The following AMZ1 variants were observed in gnomAD, a reference collection of about 807,000 sequenced individuals.
AMZ1 encodes archaemetzincin-1.
In AMZ1, 39 loss-of-function variants were observed where a neutral mutation model predicts 29.9. That is an observed-to-expected ratio of 1.30 (90% CI 1.01 to 1.70). The LOEUF (loss-of-function observed/expected upper bound fraction) is 1.70, where lower values mean the gene tolerates loss of function less well. Among genes scored for constraint, AMZ1 ranks in the 40% most tolerant of loss-of-function variants. AMZ1 has a pLI of 0.00. For synonymous variants in AMZ1, 458 were observed against 304.0 expected (o/e 1.51, Z -5.27); for missense variants, 1,041 against 680.6 (o/e 1.53, Z -5.89).
At chr7:2,732,154 A>C (rs1283990203) in intron 4 of AMZ1, among the ~76,000 whole-genome samples, 1 of 152,260 alleles carries the variant, frequency 6.6e-6, no homozygotes, top group Non-Finnish European at 1.5e-5. Flanking sequence ...AATGTGATGT[A>C]AATTCAATCT....
rs909534860 is a variant in AMZ1 at position 2,717,680 on chromosome 7, G to T, written c.*4802G>T. On this transcript the variant is annotated 3_prime_UTR_variant, in exon 7 of 7. Coordinates refer to ENST00000683327, the MANE Select transcript of AMZ1 (RefSeq NM_001384743.1). ...TTGACTGTAAAGAGCCCTGGCCTGC[G>T]AACGCTGTTAAAAACAGATGCAGAT... 6.6e-6 allele frequency among the ~76,000 whole-genome samples: 1 copy of T among 152,150 alleles called. No individual in the cohort carries two copies. The highest frequency in any genetic ancestry group is 2.4e-5 in the African/African-American group (1 of 41,420).
downstream of AMZ1, among the ~76,000 whole-genome samples, chr7:2,720,016 G>T (rs978777427): frequency 6.6e-6 from 1 of 152,224 alleles, no homozygotes; most frequent in South Asian, 2.1e-4. Context: ...TAAACGAAGA[G>T]GATGAAATTC....
At chr7:2,760,763 G>A (rs924761911), upstream of AMZ1, among the ~76,000 whole-genome samples, 5 of 152,322 alleles carry the variant, frequency 3.3e-5, no homozygotes, top group South Asian at 6.2e-4. Flanking sequence ...TTCCTCTAGG[G>A]ACAGCGTCGA....
chr7:2,684,530 C>T (rs907177081), upstream of AMZ1, among the ~76,000 whole-genome samples: 64 of 152,200 alleles, frequency 4.2e-4, no homozygotes, highest in South Asian at 2.1e-4. Context: ...GGGGCGGCCC[C>T]CTTTGTTCAT....
At chr7:2,692,666 G>A (rs1787471264) in intron 1 of AMZ1, among the ~76,000 whole-genome samples, 1 of 152,152 alleles carries the variant, frequency 6.6e-6, no homozygotes, top group South Asian at 2.1e-4. Context: ...GAGTCCCCGA[G>A]GGGACTCTGA....
downstream of AMZ1, among the ~76,000 whole-genome samples, chr7:2,723,917 A>AT (rs746517805): frequency 2.8e-4 from 42 of 151,586 alleles, no homozygotes; most frequent in African/African-American, 8.5e-4. Flanking sequence ...TTCTGGCCAG[A>AT]TTTTTTTTTG....
chr7:2,762,663 G>C, upstream of AMZ1: 1 of 1,599,526 alleles, frequency 6.3e-7, no homozygotes, highest in South Asian at 1.1e-5. Flanking sequence ...ACGATGAGAG[G>C]ATAAATCATT....
intron 1 of AMZ1, among the ~76,000 whole-genome samples, chr7:2,682,592 G>T (rs966575317): frequency 6.6e-6 from 1 of 152,152 alleles, no homozygotes; most frequent in Non-Finnish European, 1.5e-5. Context: ...CATCCTGCCT[G>T]GACCAGGATT....
At chr7:2,747,342 C>T (rs544634633) in intron 4 of AMZ1, among the ~76,000 whole-genome samples, 83 of 152,330 alleles carry the variant, frequency 5.4e-4, no homozygotes, top group African/African-American at 1.9e-3. Context: ...TGGGCTTCAT[C>T]CCTGGGATGC....
chr7:2,751,483 G>C (rs890985197), intron 4 of AMZ1, among the ~76,000 whole-genome samples: 17 of 149,808 alleles, frequency 1.1e-4, no homozygotes, highest in Admixed American at 2.0e-4. Context: ...GCTTAATGAA[G>C]AGCTCTTTAA....
chr7:2,703,957 C>T (rs538813674), intron 3 of AMZ1, among the ~76,000 whole-genome samples: 2 of 152,202 alleles, frequency 1.3e-5, no homozygotes, highest in East Asian at 3.9e-4. Context: ...GGTGCAATCT[C>T]GGCTCATGGC....
At chr7:2,757,181 G>A (rs2115383566) in intron 4 of AMZ1, among the ~76,000 whole-genome samples, 1 of 141,786 alleles carries the variant, frequency 7.1e-6, no homozygotes, top group South Asian at 2.2e-4. Context: ...TGTCACCCAG[G>A]CTGGAGTGTA....
rs190870884 is a variant in AMZ1, at chr7:2,747,673, C to A, written n.551-17039C>A. On this transcript the variant is annotated intron_variant and non_coding_transcript_variant, in intron 4 of 4. Coordinates refer to the AMZ1 transcript ENST00000489665. ...ATAGTGTTGGAAGTCCTAGGCAGGG[C>A]AATCAGGCAGGAGAAGGAAATAAAG... Among the ~76,000 whole-genome samples the A allele has an allele frequency of 6.2e-3, 944 of 152,232 alleles. 32 individuals carry two copies. Among genetic ancestry groups the A allele is most frequent in the Admixed American group, 0.058 (887 of 15,284 alleles).
chr7:2,692,221 C>G (rs1787435630), intron 1 of AMZ1, among the ~76,000 whole-genome samples: 1 of 152,150 alleles, frequency 6.6e-6, no homozygotes, highest in African/African-American at 2.4e-5. Flanking sequence ...ACCCATCTCA[C>G]AGGGAGGACA....
chr7:2,700,577 C>A lies in AMZ1; in HGVS notation c.126C>A (p.Leu42=), dbSNP rs1787993227. 3.1e-6 allele frequency: 5 copies of A among 1,610,372 alleles called. No homozygotes were observed. Among genetic ancestry groups the A allele is most frequent in the Non-Finnish European group, 4.2e-6 (5 of 1,179,956 alleles). The part of the protein sequence containing the change: ...YVSAFSPAER[L]FLAEAYNPQR... The stretch of plus-strand genomic sequence containing the variant: ...CCGCCTTCTCCCCTGCCGAGCGGCT[C>A]TTCCTGGCCGAGGCCTACAACCCGC... Residue 42 remains leucine, a synonymous_variant, in exon 2 of 7, where the codon CTC becomes CTA. Coordinates refer to ENST00000683327, the MANE Select transcript of AMZ1 (RefSeq NM_001384743.1).
Position 2,731,016 on chromosome 7 carries a change from C to T in AMZ1, n.550+21200C>T. 1 of 565,800 alleles carries T rather than the reference C, an allele frequency of 1.8e-6. No individual in the cohort carries two copies. The highest frequency in any genetic ancestry group is 3.2e-6 in the Non-Finnish European group (1 of 317,014). 35.0% of individuals were successfully genotyped at this position (565,800 alleles called of 1,614,324 possible). Reference sequence around the variant, plus strand: ...ACGTGACAGTTTCCATGTCCTTTTGCCTAGAGCTCGCTGGCTGGCTGGTCT... The same window carrying T: ...ACGTGACAGTTTCCATGTCCTTTTGTCTAGAGCTCGCTGGCTGGCTGGTCT... On this transcript the variant is annotated intron_variant and non_coding_transcript_variant, in intron 4 of 4. Transcript: ENST00000489665. This position sits in a 1 kb window ranked among gnomAD's most constrained non-coding sequence, Gnocchi z 6.0.
At chr7:2,711,245 TCA>T (rs1700659692) in intron 6 of AMZ1, among the ~76,000 whole-genome samples, 1 of 152,054 alleles carries the variant, frequency 6.6e-6, no homozygotes, top group Non-Finnish European at 1.5e-5. Flanking sequence ...GGATGTGAGG[TCA>T]CCTGCTGTCC....
downstream of AMZ1, among the ~76,000 whole-genome samples, chr7:2,722,336 G>A (rs1038282596): frequency 3.3e-5 from 5 of 151,510 alleles, no homozygotes; most frequent in East Asian, 9.7e-4. Flanking sequence ...GCAGTGGCGC[G>A]ATCTCGGCTC....
intron 4 of AMZ1, among the ~76,000 whole-genome samples, chr7:2,746,670 G>C (rs1250795584): frequency 6.6e-6 from 1 of 152,132 alleles, no homozygotes; most frequent in Admixed American, 6.5e-5. Context: ...ACTAAGATCA[G>C]AGCAGAACTG....
Sources: gnomAD v4.1 joint callset for allele counts (sites outside exome capture counted in the v4.1 genomes callset) on GRCh38, gnomAD v4.1.1 for gene constraint, Gnocchi (gnomAD v3.1) non-coding constraint, MANE v1.5 for transcripts, NCBI Gene and HGNC (gene_info 2026-07-23, HGNC 2026-07-21) for gene names.